Variants in FAM81B observed in about 807,000 individuals in gnomAD.
The protein encoded by FAM81B is protein FAM81B.
Under a neutral mutation model 58.7 loss-of-function variants are expected in FAM81B, and 60 were observed. The observed-to-expected ratio is 1.02, with a 90% CI of 0.83 to 1.27. FAM81B has a LOEUF of 1.27. Among genes scored for constraint, FAM81B ranks in the 50% most tolerant of loss-of-function variants. FAM81B has a pLI of 0.00. For synonymous variants in FAM81B, 189 were observed against 179.6 expected, an observed-to-expected ratio of 1.05 and a Z score of -0.42; for missense variants, 491 against 522.0, an observed-to-expected ratio of 0.94 and a Z score of 0.58.
intron 6 of FAM81B, among the ~76,000 whole-genome samples, 186 bp downstream of exon 6, chr5:95,428,918 A>C (rs1744744563): frequency 6.6e-6 from 1 of 152,176 alleles, no homozygotes; most frequent in Non-Finnish European, 1.5e-5. Flanking sequence ...ATGTTTAATG[A>C]ATGTCTGCCG....
chr5:95,425,440 T>A (rs941175359), intron 5 of FAM81B, among the ~76,000 whole-genome samples: 1 of 152,180 alleles, frequency 6.6e-6, no homozygotes, highest in African/African-American at 2.4e-5. Flanking sequence ...AATGGATTGA[T>A]GTTTATCATG....
chr5:95,437,790 GATC>G (rs1476312951), intron 7 of FAM81B, among the ~76,000 whole-genome samples: 2 of 150,752 alleles, frequency 1.3e-5, no homozygotes, highest in East Asian at 1.9e-4. Flanking sequence ...TTTTTTAAAT[GATC>G]ATCATTTCCA....
At chr5:95,419,687 T>C (rs1762627070) in intron 4 of FAM81B, among the ~76,000 whole-genome samples, 1 of 152,160 alleles carries the variant, frequency 6.6e-6, no homozygotes, top group African/African-American at 2.4e-5. Flanking sequence ...TGGACACAAA[T>C]GAGCCAGAAA....
At chr5:95,429,094 A>C (rs551918066) in intron 6 of FAM81B, among the ~76,000 whole-genome samples, 1 of 152,340 alleles carries the variant, frequency 6.6e-6, no homozygotes, top group Admixed American at 6.5e-5. Flanking sequence ...TAAAAGTCCA[A>C]CATAAATGTG....
Position 95,402,342 on chromosome 5 carries a change from G to C in FAM81B, c.293+6167G>C, listed in dbSNP as rs192650524. 1.4e-3 allele frequency among the ~76,000 whole-genome samples: 217 copies of C among 152,136 alleles called. 3 individuals are homozygous for C. Among genetic ancestry groups the C allele is most frequent in the African/African-American group, 5.2e-3 (214 of 41,490 alleles). ...ATATAAGCTGTCTGTTGATCTTCAG[G>C]AACCATGTAAATAAAACCAAACAGA... On this transcript the variant is annotated intron_variant, in intron 3 of 9. Transcript: ENST00000283357.
chr5:95,442,850 GAATCTTAGAC>G (rs1347298377), intron 7 of FAM81B, among the ~76,000 whole-genome samples: 2 of 152,150 alleles, frequency 1.3e-5, no homozygotes, highest in African/African-American at 4.8e-5. Context: ...ATGAAACTTA[GAATCTTAGAC>G]TCAGTCTCCA....
chr5:95,417,619 A>G (rs1261977350), intron 4 of FAM81B, among the ~76,000 whole-genome samples: 1 of 152,224 alleles, frequency 6.6e-6, no homozygotes, highest in Non-Finnish European at 1.5e-5. Flanking sequence ...TATTTTACAT[A>G]TTAGAAATAA....
intron 2 of FAM81B, among the ~76,000 whole-genome samples, chr5:95,393,636 C>T (rs1468189253): frequency 2.0e-5 from 3 of 152,138 alleles, no homozygotes; most frequent in African/African-American, 7.2e-5. Context: ...CTTCTCTGAT[C>T]CTGAAGCTCC....
chr5:95,439,883 G>A (rs1582826664), intron 7 of FAM81B, among the ~76,000 whole-genome samples: 1 of 152,070 alleles, frequency 6.6e-6, no homozygotes, highest in African/African-American at 2.4e-5. Context: ...GTCAGACACC[G>A]TGGCACACAC....
At chr5:95,441,857 G>C (rs1161349785) in intron 7 of FAM81B, among the ~76,000 whole-genome samples, 1 of 152,168 alleles carries the variant, frequency 6.6e-6, no homozygotes, top group Non-Finnish European at 1.5e-5. Flanking sequence ...AGCCTACTTA[G>C]TTCTTACACA....
chr5:95,427,338 G>C (rs1431607349), intron 5 of FAM81B, among the ~76,000 whole-genome samples: 1 of 152,120 alleles, frequency 6.6e-6, no homozygotes, highest in East Asian at 1.9e-4. Flanking sequence ...TATATGCAAA[G>C]GTGTAAAACA....
intron 7 of FAM81B, among the ~76,000 whole-genome samples, chr5:95,441,558 A>C (rs1309509553): frequency 6.6e-6 from 1 of 151,870 alleles, no homozygotes; most frequent in Non-Finnish European, 1.5e-5. Flanking sequence ...ACAGAGTGAG[A>C]CTCTGTATCT....
chr5:95,400,435 C>CATACATACAT (rs10675531), intron 3 of FAM81B, among the ~76,000 whole-genome samples: 7,947 of 143,224 alleles, frequency 0.055, 258 homozygotes, highest in Middle Eastern at 0.13. Context: ...TACATACATA[C>CATACATACAT]ACACACACAC....
chr5:95,428,433 A>G (rs1213194574), intron 5 of FAM81B, among the ~76,000 whole-genome samples, 170 bp from the exon 6 acceptor site: 1 of 152,194 alleles, frequency 6.6e-6, no homozygotes, highest in Non-Finnish European at 1.5e-5. Flanking sequence ...CTCATCAGAA[A>G]GAGAAGGGAA....
chr5:95,402,652 T>C (rs916404667), intron 3 of FAM81B, among the ~76,000 whole-genome samples: 2 of 152,322 alleles, frequency 1.3e-5, no homozygotes, highest in Non-Finnish European at 2.9e-5. Flanking sequence ...AGCCACAGCA[T>C]TGAAATCAGC....
chr5:95,398,440 AAATAAAT>A (rs1212673492), intron 3 of FAM81B, among the ~76,000 whole-genome samples: 4 of 129,656 alleles, frequency 3.1e-5, no homozygotes, highest in South Asian at 2.4e-4. Context: ...ATAAATAAAT[AAATAAAT>A]AAATAAAAAA....
At chr5:95,416,257 C>T (rs754768273) in intron 4 of FAM81B, among the ~76,000 whole-genome samples, 1 of 152,158 alleles carries the variant, frequency 6.6e-6, no homozygotes, top group Non-Finnish European at 1.5e-5. Context: ...CAGGTCAGCC[C>T]ATTTGCAAGT....
At chr5:95,441,289 GGCC>G (rs1381842486) in intron 7 of FAM81B, among the ~76,000 whole-genome samples, 1 of 152,092 alleles carries the variant, frequency 6.6e-6, no homozygotes, top group African/African-American at 2.4e-5. Flanking sequence ...CTATGCATCT[GGCC>G]GGGCGCGATG....
chr5:95,416,800 G>C (rs1286594144), intron 4 of FAM81B, among the ~76,000 whole-genome samples: 1 of 152,128 alleles, frequency 6.6e-6, no homozygotes, highest in Non-Finnish European at 1.5e-5. Context: ...ATATCACTTT[G>C]GGGGGCTGAG....
Sources: gnomAD v4.1 joint callset for allele counts (sites outside exome capture counted in the v4.1 genomes callset) on GRCh38, gnomAD v4.1.1 for gene constraint, MANE v1.5 for transcripts, NCBI Gene and HGNC (gene_info 2026-07-23, HGNC 2026-07-21) for gene names.